The following MTHFD1L variants were observed in gnomAD, a reference collection of about 807,000 sequenced individuals.
MTHFD1L encodes the protein methylenetetrahydrofolate dehydrogenase (NADP+ dependent) 1 like.
MTHFD1L carries 81 observed loss-of-function variants against 119.5 expected under a neutral mutation model. The ratio of observed to expected loss-of-function variants is 0.68; its 90% confidence interval spans 0.57 to 0.82. The LOEUF (loss-of-function observed/expected upper bound fraction) is 0.82, where lower values mean the gene tolerates loss of function less well. Among genes scored for constraint, MTHFD1L ranks in the 40% least tolerant of loss-of-function variants. The probability of loss-of-function intolerance (pLI) is 0.00; values close to 1 mark genes in which losing one functional copy is unlikely to be tolerated. For missense variants in MTHFD1L, 1,125 were observed against 1,253.4 expected (o/e 0.90, Z 1.55); for synonymous variants, 430 against 475.2 (o/e 0.90, Z 1.24).
intron 20 of MTHFD1L, among the ~76,000 whole-genome samples, chr6:151,006,364 T>G (rs368851985): frequency 6.6e-6 from 1 of 152,098 alleles, no homozygotes; most frequent in Non-Finnish European, 1.5e-5. Context: ...ACAAGTAACA[T>G]AGAGTATGTG....
At chr6:150,879,635 T>G (rs920190440) in intron 4 of MTHFD1L, among the ~76,000 whole-genome samples, 28 of 148,392 alleles carry the variant, frequency 1.9e-4, no homozygotes, top group Non-Finnish European at 3.3e-4. Context: ...TTTTTTTTTT[T>G]TTTTTTTTTT....
intron 20 of MTHFD1L, among the ~76,000 whole-genome samples, chr6:150,995,668 A>T (rs1168967587): frequency 2.0e-5 from 3 of 151,714 alleles, no homozygotes; most frequent in African/African-American, 7.3e-5. Context: ...CGCTAATAAC[A>T]TATTTCTTTT....
At chr6:150,907,568 C>T (rs536229847) in intron 8 of MTHFD1L, among the ~76,000 whole-genome samples, 19 of 152,284 alleles carry the variant, frequency 1.2e-4, no homozygotes, top group Admixed American at 3.9e-4. Flanking sequence ...TGTTTGGCCT[C>T]GTGATTGCAT....
chr6:151,062,044 A>G (rs1790703372), intron 26 of MTHFD1L, among the ~76,000 whole-genome samples: 1 of 152,202 alleles, frequency 6.6e-6, no homozygotes, highest in Admixed American at 6.5e-5. Flanking sequence ...AGCTGATCAC[A>G]TCAAGGCCTC....
chr6:150,964,484 G>C (rs912225506), intron 18 of MTHFD1L, among the ~76,000 whole-genome samples: 4 of 152,098 alleles, frequency 2.6e-5, no homozygotes, highest in Non-Finnish European at 4.4e-5. Flanking sequence ...CTCTCTCTGT[G>C]GAATGAATGA....
At chr6:151,056,399 A>G (rs1427322443) in intron 26 of MTHFD1L, among the ~76,000 whole-genome samples, 1 of 152,172 alleles carries the variant, frequency 6.6e-6, no homozygotes, top group Non-Finnish European at 1.5e-5. Flanking sequence ...ACTCCATGCC[A>G]TTGCCAGAGA....
chr6:150,999,760 C>A (rs9478899), intron 20 of MTHFD1L, among the ~76,000 whole-genome samples: 1 of 151,954 alleles, frequency 6.6e-6, no homozygotes, highest in African/African-American at 2.4e-5. Flanking sequence ...ATAATGTAAA[C>A]CGGTGTCTGT....
chr6:150,869,039 C>T (rs950583536), intron 1 of MTHFD1L, among the ~76,000 whole-genome samples: 8 of 152,176 alleles, frequency 5.3e-5, no homozygotes, highest in African/African-American at 7.2e-5. Context: ...GCAGCCTGGG[C>T]AATGGAGTGA....
At chr6:150,879,765 G>A (rs1410710579) in intron 4 of MTHFD1L, among the ~76,000 whole-genome samples, 1 of 151,088 alleles carries the variant, frequency 6.6e-6, no homozygotes, top group Non-Finnish European at 1.5e-5. Context: ...AAGTAACTGG[G>A]TTTACAGGCA....
At chr6:151,029,258 T>C (rs894632687) in intron 24 of MTHFD1L, among the ~76,000 whole-genome samples, 2 of 150,066 alleles carry the variant, frequency 1.3e-5, no homozygotes, top group African/African-American at 4.9e-5. Context: ...CCATCTCTAC[T>C]AAAAATACAA....
chr6:151,011,281 C>T (rs1220941401), intron 21 of MTHFD1L, among the ~76,000 whole-genome samples: 1 of 152,182 alleles, frequency 6.6e-6, no homozygotes, highest in East Asian at 1.9e-4. Flanking sequence ...TACAGTCCTT[C>T]CTGGATTTTA....
chr6:150,878,739 A>G (rs1392951429), intron 4 of MTHFD1L, among the ~76,000 whole-genome samples: 1 of 152,194 alleles, frequency 6.6e-6, no homozygotes, highest in Non-Finnish European at 1.5e-5. Context: ...TTGTGAGACA[A>G]AGAATGGGAA....
At chr6:150,915,340 T>C (rs1040713411) in intron 8 of MTHFD1L, among the ~76,000 whole-genome samples, 14 of 152,188 alleles carry the variant, frequency 9.2e-5, no homozygotes, top group Admixed American at 8.5e-4. Context: ...CTTCTTCCAG[T>C]GTGGCCCAGG....
At chr6:150,969,241 C>G (rs1485894951) in intron 19 of MTHFD1L, among the ~76,000 whole-genome samples, 2 of 152,248 alleles carry the variant, frequency 1.3e-5, no homozygotes, top group Admixed American at 6.5e-5. Context: ...CTCTGCCTCT[C>G]AAAGTACTGG....
intron 9 of MTHFD1L, among the ~76,000 whole-genome samples, chr6:150,919,154 C>T (rs990139558): frequency 3.5e-5 from 5 of 141,464 alleles, no homozygotes; most frequent in Non-Finnish European, 7.6e-5. Flanking sequence ...CAGAGGGAGA[C>T]TGAAAAAAAA....
chr6:150,970,023 C>T (rs551124346), intron 19 of MTHFD1L, among the ~76,000 whole-genome samples: 2 of 152,300 alleles, frequency 1.3e-5, no homozygotes, highest in South Asian at 4.1e-4. Flanking sequence ...GAATCTATCT[C>T]AGCAGATAAT....
intron 24 of MTHFD1L, among the ~76,000 whole-genome samples, chr6:151,017,769 A>G (rs558016442): frequency 1.3e-5 from 2 of 150,102 alleles, no homozygotes; most frequent in South Asian, 2.1e-4. Flanking sequence ...GTAATGCTGT[A>G]TGAGCATGCG....
chr6:151,041,627 C>T (rs775686769), intron 26 of MTHFD1L: 19 of 354,494 alleles, frequency 5.4e-5, no homozygotes, highest in Admixed American at 2.5e-4. Flanking sequence ...GCCTACAGCA[C>T]GCAGGGCCAT....
At position 151,092,463 on chromosome 6, in the gene MTHFD1L, C is replaced by G. The variant is rs2040986641; in HGVS notation, c.2848-4C>G. On this transcript the variant is annotated splice_polypyrimidine_tract_variant and splice_region_variant and intron_variant, in intron 26 of 27. Coordinates refer to ENST00000367321, the MANE Select transcript of MTHFD1L (RefSeq NM_015440.5). ...AATCTGTAACGCTTGGTTTTCTCCC[C>G]CAGATGAGCACCATGCCAGGACTGC... 1 of 1,609,052 alleles carries G rather than the reference C, an allele frequency of 6.2e-7. No individual in the cohort carries two copies. Among genetic ancestry groups the G allele is most frequent in the Non-Finnish European group, 8.5e-7 (1 of 1,178,534 alleles).
Sources: gnomAD v4.1 joint callset for allele counts (sites outside exome capture counted in the v4.1 genomes callset) on GRCh38, gnomAD v4.1.1 for gene constraint, MANE v1.5 for transcripts, NCBI Gene and HGNC (gene_info 2026-07-23, HGNC 2026-07-21) for gene names.